The following SMOC1 variants were observed in gnomAD, a reference collection of about 807,000 sequenced individuals.
SMOC1 encodes SPARC related modular calcium binding 1, also known as SPARC-related modular calcium-binding protein 1.
In SMOC1, 22 loss-of-function variants were observed where a neutral mutation model predicts 56.3. The observed-to-expected ratio is 0.39, with a 90% CI of 0.28 to 0.56. The LOEUF is 0.56. Ranked by LOEUF, SMOC1 falls within the 20% of genes least tolerant of loss-of-function variation. The probability of loss-of-function intolerance (pLI) is 0.61; values close to 1 mark genes in which losing one functional copy is unlikely to be tolerated. For missense variants in SMOC1, 509 were observed against 565.4 expected (o/e 0.90, Z 1.01); for synonymous variants, 193 against 215.0 (o/e 0.90, Z 0.89).
chr14:69,971,220 G>C (rs1229844117), intron 3 of SMOC1, among the ~76,000 whole-genome samples: 4 of 152,104 alleles, frequency 2.6e-5, no homozygotes, highest in African/African-American at 9.7e-5. Context: ...GTTTCACCAT[G>C]TTGGCCAGGC....
At chr14:69,943,672 G>A (rs540041591) in intron 1 of SMOC1, among the ~76,000 whole-genome samples, 7 of 114,882 alleles carry the variant, frequency 6.1e-5, no homozygotes, top group African/African-American at 2.5e-4. Context: ...TCCAAGAGTG[G>A]CTTTCCCCCC....
chr14:69,930,418 C>A (rs772138710), intron 1 of SMOC1, among the ~76,000 whole-genome samples: 1 of 152,258 alleles, frequency 6.6e-6, no homozygotes, highest in South Asian at 2.1e-4. Context: ...GAGCAGAAAC[C>A]GAGTCCTCTT....
At chr14:70,018,878 C>T (rs865879087) in intron 10 of SMOC1, among the ~76,000 whole-genome samples, 4 of 152,212 alleles carry the variant, frequency 2.6e-5, no homozygotes, top group Admixed American at 6.5e-5. Flanking sequence ...ATTTCCCAGC[C>T]GCACCCGCAC....
intron 7 of SMOC1, among the ~76,000 whole-genome samples, chr14:69,995,244 G>A (rs1884723802): frequency 6.6e-6 from 1 of 152,164 alleles, no homozygotes; most frequent in Non-Finnish European, 1.5e-5. Context: ...CTTTGAACCA[G>A]CAGGCAGAAT....
chr14:69,928,935 A>G (rs1885089906), intron 1 of SMOC1, among the ~76,000 whole-genome samples: 1 of 152,156 alleles, frequency 6.6e-6, no homozygotes, highest in Non-Finnish European at 1.5e-5. Context: ...GGGATATTGG[A>G]CAGGGAAAGA....
At chr14:69,967,546 C>CA (rs1451636355) in intron 3 of SMOC1, among the ~76,000 whole-genome samples, 11 of 151,942 alleles carry the variant, frequency 7.2e-5, no homozygotes, top group African/African-American at 2.4e-4. Context: ...CAGTGTGGCC[C>CA]AGGGAAGCCA....
intron 1 of SMOC1, among the ~76,000 whole-genome samples, chr14:69,889,313 T>C (rs1369825128): frequency 6.6e-6 from 1 of 152,162 alleles, no homozygotes; most frequent in Admixed American, 6.5e-5. Context: ...ATTCAAAAGG[T>C]TCAGATGTTA....
intron 5 of SMOC1, among the ~76,000 whole-genome samples, chr14:69,987,595 G>A (rs2139530219): frequency 6.6e-6 from 1 of 152,300 alleles, no homozygotes; most frequent in South Asian, 2.1e-4. Context: ...GCTCTATTCA[G>A]TCCCTTAAGC....
intron 1 of SMOC1, among the ~76,000 whole-genome samples, chr14:69,898,698 G>A (rs189686685): frequency 1.4e-4 from 21 of 152,042 alleles, no homozygotes; most frequent in Admixed American, 2.0e-4. Flanking sequence ...TGTTGTTTAC[G>A]TTTTCCATTA....
rs140563580 is a variant in SMOC1, at chr14:70,025,152, C to T, written c.1291+1705C>T. On this transcript the variant is annotated intron_variant, in intron 11 of 11. Transcript: ENST00000361956. ...GTTTGGACACGTTGAGTTGGATGCA[C>T]ATGAAGGATGAGTGGCTCTGTAATG... Among the ~76,000 whole-genome samples the T allele has an allele frequency of 1.2e-3, 190 of 152,202 alleles. 1 individual carries two copies. Among genetic ancestry groups the T allele is most frequent in the Admixed American group, 8.8e-3 (135 of 15,278 alleles).
chr14:69,957,151 CA>C (rs1357636934), intron 3 of SMOC1, among the ~76,000 whole-genome samples: 2 of 152,170 alleles, frequency 1.3e-5, no homozygotes, highest in Non-Finnish European at 2.9e-5. Flanking sequence ...CTCTGCCAAG[CA>C]GTTGTCTGGT....
chr14:69,890,107 C>T (rs2139300327), intron 1 of SMOC1, among the ~76,000 whole-genome samples: 1 of 152,332 alleles, frequency 6.6e-6, no homozygotes, highest in African/African-American at 2.4e-5. Context: ...TGGTACAGTG[C>T]CTGGCTCATA....
At chr14:70,029,505 G>A (rs757300332) in intron 11 of SMOC1, among the ~76,000 whole-genome samples, 3 of 152,188 alleles carry the variant, frequency 2.0e-5, no homozygotes, top group Non-Finnish European at 4.4e-5. Flanking sequence ...GTTCACCTGA[G>A]CCATAGACAC....
chr14:69,996,268 T>A (rs767052155), intron 7 of SMOC1, among the ~76,000 whole-genome samples: 6 of 152,166 alleles, frequency 3.9e-5, no homozygotes. Flanking sequence ...TGTTATCAGG[T>A]CCTGTGGAAC....
chr14:69,885,421 A>G, intron 1 of SMOC1: 4 of 1,601,302 alleles, frequency 2.5e-6, no homozygotes, highest in Non-Finnish European at 3.4e-6. Context: ...GACCCAGGAC[A>G]TTGCCACCCC....
intron 1 of SMOC1, among the ~76,000 whole-genome samples, chr14:69,920,529 C>T (rs914172575): frequency 1.3e-5 from 2 of 152,190 alleles, no homozygotes; most frequent in Admixed American, 6.5e-5. Context: ...TGTCATGGTT[C>T]TGTCCTCCCA....
intron 1 of SMOC1, 83 bp downstream of exon 1, chr14:69,879,860 G>T: frequency 7.9e-7 from 1 of 1,264,950 alleles, no homozygotes; most frequent in South Asian, 1.4e-5. Context: ...AGGAGGAGGG[G>T]GAAGAGAGAT....
At chr14:69,927,394 G>A (rs1244192983) in intron 1 of SMOC1, among the ~76,000 whole-genome samples, 2 of 152,166 alleles carry the variant, frequency 1.3e-5, no homozygotes, top group Non-Finnish European at 2.9e-5. Context: ...TAAGATGGTA[G>A]GAGGAGCCGG....
At chr14:70,024,955 A>G (rs1885868420) in intron 11 of SMOC1, among the ~76,000 whole-genome samples, 1 of 152,180 alleles carries the variant, frequency 6.6e-6, no homozygotes, top group South Asian at 2.1e-4. Context: ...GGGCCAAGTT[A>G]TGAAAACACA....
Sources: gnomAD v4.1 joint callset for allele counts (sites outside exome capture counted in the v4.1 genomes callset) on GRCh38, gnomAD v4.1.1 for gene constraint, MANE v1.5 for transcripts, NCBI Gene and HGNC (gene_info 2026-07-23, HGNC 2026-07-21) for gene names.